The following SLC6A6 variants were observed in gnomAD, a reference collection of about 807,000 sequenced individuals.
SLC6A6 encodes the protein solute carrier family 6 member 6, also known as sodium- and chloride-dependent taurine transporter.
Under a neutral mutation model 68.8 loss-of-function variants are expected in SLC6A6, and 16 were observed. The observed-to-expected ratio is 0.23, with a 90% CI of 0.16 to 0.35. The LOEUF (loss-of-function observed/expected upper bound fraction) is 0.35. SLC6A6 is among the 10% of genes least tolerant of loss of function. The probability of loss-of-function intolerance (pLI) is 1.00; values close to 1 mark genes in which losing one functional copy is unlikely to be tolerated. For synonymous variants in SLC6A6, 312 were observed against 315.4 expected (o/e 0.99, Z 0.12); for missense variants, 474 against 802.8 (o/e 0.59, Z 4.95).
Position 14,453,241 on chromosome 3 carries a change from C to T in SLC6A6, c.600-4709C>T, listed in dbSNP as rs150582008. On this transcript the variant is annotated intron_variant, in intron 5 of 14. Transcript: ENST00000622186. ...GCCGGCTGGACGGCAGCAGGGCGGCCGACTCAAAACAGACGTCCAGGCAGT... is the reference window on the plus strand; with the variant it reads ...GCCGGCTGGACGGCAGCAGGGCGGCTGACTCAAAACAGACGTCCAGGCAGT... Among the ~76,000 whole-genome samples, 5 of 152,316 alleles carry T rather than the reference C, an allele frequency of 3.3e-5. No individual in the cohort carries two copies. The East Asian group carries it at 5.8e-4, about 18-fold the overall frequency.
intron 14 of SLC6A6, among the ~76,000 whole-genome samples, chr3:14,483,520 T>C (rs1701060984): frequency 6.6e-6 from 1 of 151,986 alleles, no homozygotes. Context: ...GCACAGCCCA[T>C]TGTATGGATG....
At chr3:14,452,776 G>C (rs1700282702) in intron 5 of SLC6A6, among the ~76,000 whole-genome samples, 1 of 152,172 alleles carries the variant, frequency 6.6e-6, no homozygotes, top group Admixed American at 6.5e-5. Context: ...ATTGAGCGCC[G>C]AGTTGCTCTG....
chr3:14,426,708 A>T (rs1699607146), intron 2 of SLC6A6, among the ~76,000 whole-genome samples: 1 of 152,208 alleles, frequency 6.6e-6, no homozygotes, highest in African/African-American at 2.4e-5. Flanking sequence ...ATACAAGAAC[A>T]GGTGGAATTA....
At chr3:14,407,621 C>T (rs1699140066) in intron 1 of SLC6A6, among the ~76,000 whole-genome samples, 1 of 151,908 alleles carries the variant, frequency 6.6e-6, no homozygotes, top group Non-Finnish European at 1.5e-5. Flanking sequence ...CCTCCCACCT[C>T]ACTTCCCAAG....
intron 2 of SLC6A6, among the ~76,000 whole-genome samples, chr3:14,437,104 A>G (rs1004731612): frequency 4.6e-5 from 7 of 152,228 alleles, no homozygotes; most frequent in Non-Finnish European, 8.8e-5. Context: ...GTGCTTTATC[A>G]GCACAGGAAG....
rs766914573 is a variant in SLC6A6, at chr3:14,466,617, G to T, written c.834G>T (p.Leu278=). 6.2e-7 allele frequency: 1 copy of T among 1,612,558 alleles called. No individual in the cohort carries two copies. Among genetic ancestry groups the T allele is most frequent in the Admixed American group, 1.7e-5 (1 of 59,962 alleles). Residue 278 remains leucine, a synonymous_variant, in exon 7 of 15, where the codon CTG becomes CTT. Coordinates refer to ENST00000622186, the MANE Select transcript of SLC6A6 (RefSeq NM_003043.6). ...PGAGAGIKFY[L]YPDITRLEDP... is the part of the protein sequence containing the mutation. ...CGGGCGCAGGCATCAAGTTCTATCT[G>T]TATCCTGACATCACCCGCCTTGAGG... is the stretch of plus-strand genomic sequence containing the variant.
At chr3:14,413,111 C>T (rs1440082712) in intron 1 of SLC6A6, among the ~76,000 whole-genome samples, 1 of 152,256 alleles carries the variant, frequency 6.6e-6, no homozygotes, top group African/African-American at 2.4e-5. Flanking sequence ...TGTGTCCGGA[C>T]AAGGCCCACA....
At chr3:14,449,052 A>G (rs551828073) in intron 5 of SLC6A6, among the ~76,000 whole-genome samples, 19 of 152,338 alleles carry the variant, frequency 1.2e-4, no homozygotes, top group African/African-American at 3.4e-4. Flanking sequence ...TGCCATTTTC[A>G]AGGTGTTTAC....
rs1293955340 is a variant in SLC6A6 at position 14,421,963 on chromosome 3, T to G, written c.-12+5510T>G. Among the ~76,000 whole-genome samples the G allele has an allele frequency of 2.6e-5, 4 of 152,158 alleles. No individual in the cohort carries two copies. In the East Asian group the frequency reaches 7.7e-4, roughly 29 times the overall value. On this transcript the variant is annotated intron_variant, in intron 2 of 14. Transcript: ENST00000622186. ...GGGTGCATCTTCTCGTCTCGGCTCT[T>G]GGACCCAGCAGGGGTCGGAGGGGGA... is the stretch of plus-strand genomic sequence containing the variant.
At chr3:14,417,559 GTC>G (rs1699390575) in intron 2 of SLC6A6, among the ~76,000 whole-genome samples, 1 of 151,558 alleles carries the variant, frequency 6.6e-6, no homozygotes, top group Non-Finnish European at 1.5e-5. Context: ...GTGAAACCCT[GTC>G]TCTACTAAAA....
rs542925241 is a variant in SLC6A6 at position 14,468,552 on chromosome 3, C to G, written c.1096+340C>G. Among the ~76,000 whole-genome samples, 2 of 152,142 alleles carry G rather than the reference C, an allele frequency of 1.3e-5. No homozygotes were observed. Among genetic ancestry groups the G allele is most frequent in the East Asian group, 3.9e-4 (2 of 5,164 alleles). ...ATAGAAACCACTTTCCTAACTCAGGCCCAAGTCAGCCACCAATCGGCATTC... is the reference window on the plus strand; with the variant it reads ...ATAGAAACCACTTTCCTAACTCAGGGCCAAGTCAGCCACCAATCGGCATTC... On this transcript the variant is annotated intron_variant, in intron 9 of 14. Coordinates refer to ENST00000622186, the MANE Select transcript of SLC6A6 (RefSeq NM_003043.6). The surrounding 1 kb of genome is among the most constrained non-coding windows in gnomAD (Gnocchi z 4.5).
Position 14,485,644 on chromosome 3 carries a change from C to T in SLC6A6, c.*637C>T, listed in dbSNP as rs2125003759. 6.5e-6 allele frequency: 1 copy of T among 152,684 alleles called. No individual in the cohort carries two copies. The highest frequency in any genetic ancestry group is 6.5e-5 in the Admixed American group (1 of 15,298). The allele number at this position is 152,684 out of a possible 1,614,324, so 9.5% of individuals were successfully genotyped here. A position where few individuals can be genotyped will look rare whatever the true frequency, so the allele number is the denominator to read the frequency against. On this transcript the variant is annotated 3_prime_UTR_variant, in exon 15 of 15. Transcript: ENST00000622186. ...TTGGCTTAGTGAAGAAGAGAGATGCCAAAGGAATGAACCAACCCTTCACAT... is the reference window on the plus strand; with the variant it reads ...TTGGCTTAGTGAAGAAGAGAGATGCTAAAGGAATGAACCAACCCTTCACAT...
At chr3:14,467,241 C>T (rs1299235733) in intron 7 of SLC6A6, among the ~76,000 whole-genome samples, 1 of 152,198 alleles carries the variant, frequency 6.6e-6, no homozygotes, top group African/African-American at 2.4e-5. Flanking sequence ...TCTCCTTCCC[C>T]ACCACCCTTC....
intron 2 of SLC6A6, 53 bp from the exon 3 acceptor site, chr3:14,443,571 C>A: frequency 8.1e-7 from 1 of 1,229,292 alleles, no homozygotes; most frequent in Non-Finnish European, 1.2e-6. Context: ...GTGTCTGAGA[C>A]ATACAGGTGG....
chr3:14,406,853 CA>C (rs895978104), intron 1 of SLC6A6, among the ~76,000 whole-genome samples: 2 of 152,136 alleles, frequency 1.3e-5, no homozygotes, highest in African/African-American at 2.4e-5. Context: ...AATAATAAAC[CA>C]CCTGAAACAA....
chr3:14,467,653 G>A (rs1335190364), intron 7 of SLC6A6, among the ~76,000 whole-genome samples, 200 bp from the exon 8 acceptor site: 2 of 152,148 alleles, frequency 1.3e-5, no homozygotes, highest in Non-Finnish European at 2.9e-5. Flanking sequence ...CTGGGAGGTG[G>A]GGTGTTTGAT....
At chr3:14,484,158 T>A (rs868304941) in intron 14 of SLC6A6, among the ~76,000 whole-genome samples, 1 of 152,148 alleles carries the variant, frequency 6.6e-6, no homozygotes, top group African/African-American at 2.4e-5. Flanking sequence ...TGAGTCCCAG[T>A]TCTGACATGG....
rs1701115574 is a variant in SLC6A6 at position 14,485,070 on chromosome 3, G to T, written c.*63G>T. ...GTTTACTAACATTAGATTCTCATAG[G>T]ACCAGGTTTACAGAGCTTTATATTT... is the stretch of plus-strand genomic sequence containing the variant. On this transcript the variant is annotated 3_prime_UTR_variant, in exon 15 of 15. Transcript: ENST00000622186. 4 of 1,437,562 alleles carry T rather than the reference G, an allele frequency of 2.8e-6. No homozygotes were observed. Among genetic ancestry groups the T allele is most frequent in the African/African-American group, 1.4e-5 (1 of 70,334 alleles). 89.1% of individuals were successfully genotyped at this position (1,437,562 alleles called of 1,614,324 possible). A position where few individuals can be genotyped will look rare whatever the true frequency, so the allele number is the denominator to read the frequency against.
At chr3:14,408,799 TG>T (rs1699167331) in intron 1 of SLC6A6, among the ~76,000 whole-genome samples, 1 of 151,342 alleles carries the variant, frequency 6.6e-6, no homozygotes, top group Non-Finnish European at 1.5e-5. Context: ...AGTTTTGTTT[TG>T]TTTTTTTTTT....
Sources: allele counts gnomAD v4.1 joint callset (sites outside exome capture counted in the v4.1 genomes callset), GRCh38; gene constraint gnomAD v4.1.1; non-coding constraint Gnocchi (gnomAD v3.1); transcripts MANE v1.5; gene names NCBI Gene and HGNC (gene_info 2026-07-23, HGNC 2026-07-21).